The following TMEM204 variants were observed in gnomAD, a reference collection of about 807,000 sequenced individuals.
The protein encoded by TMEM204 is claudin-like protein 24.
A neutral mutation model predicts 19.4 loss-of-function variants in TMEM204; 15 were observed. The observed-to-expected ratio is 0.77, with a 90% CI of 0.52 to 1.19. The LOEUF (loss-of-function observed/expected upper bound fraction) is 1.19. TMEM204 is among the 50% of genes most tolerant of loss of function. The probability of loss-of-function intolerance (pLI) is 0.00; values close to 1 mark genes in which losing one functional copy is unlikely to be tolerated. For synonymous variants in TMEM204, 161 were observed against 146.0 expected (o/e 1.10, Z -0.74); for missense variants, 287 against 321.2 (o/e 0.89, Z 0.81).
Position 1,535,438 on chromosome 16 carries a change from G to A in TMEM204, c.280+883G>A, listed in dbSNP as rs569332818. 1.1e-4 allele frequency among the ~76,000 whole-genome samples: 17 copies of A among 152,318 alleles called. No homozygotes were observed. In the East Asian group the frequency reaches 3.1e-3, roughly 28 times the overall value. ...TCTCTGAAACTGTCAGCAAGGTTTT[G>A]ACTCGCAGACACCCCAAGTCTCTGC... is the stretch of plus-strand genomic sequence containing the variant. On this transcript the variant is annotated intron_variant, in intron 1 of 2. Coordinates refer to ENST00000566264, the MANE Select transcript of TMEM204 (RefSeq NM_024600.6).
At chr16:1,538,475 G>T (rs1432500033) in intron 1 of TMEM204, among the ~76,000 whole-genome samples, 4 of 152,172 alleles carry the variant, frequency 2.6e-5, no homozygotes, top group Non-Finnish European at 4.4e-5. Context: ...GCCATTCTGG[G>T]CTATGCTCCT....
intron 1 of TMEM204, chr16:1,541,481 G>A (rs2031629831): frequency 1.0e-6 from 1 of 985,408 alleles, no homozygotes; most frequent in Non-Finnish European, 1.2e-6. Flanking sequence ...CTGGCCCCCC[G>A]CGGAGTCTCC....
intron 2 of TMEM204, among the ~76,000 whole-genome samples, chr16:1,550,301 C>G (rs1462474755): frequency 1.3e-5 from 2 of 152,204 alleles, no homozygotes; most frequent in African/African-American, 4.8e-5. Context: ...GAGGCCTGAG[C>G]TCGTGTTTAT....
Position 1,534,182 on chromosome 16 carries a change from C to A in TMEM204, c.-94C>A. The A allele has an allele frequency of 6.5e-7, 1 of 1,527,652 alleles. No homozygotes were observed. The highest frequency in any genetic ancestry group is 8.8e-7 in the Non-Finnish European group (1 of 1,137,200). 94.6% of individuals were successfully genotyped at this position (1,527,652 alleles called of 1,614,324 possible). On this transcript the variant is annotated 5_prime_UTR_variant, in exon 1 of 3. Transcript: ENST00000566264. ...CCCCGAGGATGAGTGGTGATGTCCT[C>A]TAGCCACCCCTAGCAGCGTCGGCTC...
chr16:1,534,589 T>A (rs1322453575), intron 1 of TMEM204, 34 bp downstream of exon 1: 2 of 1,596,492 alleles, frequency 1.3e-6, no homozygotes, highest in Non-Finnish European at 1.7e-6. Context: ...GCCTTCAGCG[T>A]GGCCGAGGCT....
intron 2 of TMEM204, among the ~76,000 whole-genome samples, chr16:1,545,514 GT>G (rs59045034): frequency 0.019 from 2,888 of 152,206 alleles, 104 homozygotes; most frequent in African/African-American, 0.066. Flanking sequence ...TTAGAGTCGG[GT>G]TTTTTTTCCT....
At chr16:1,532,239 G>C (rs1445477612), upstream of TMEM204, 1 of 152,288 alleles carries the variant, frequency 6.6e-6, no homozygotes, top group Non-Finnish European at 1.5e-5. Context: ...AACAGAAATA[G>C]AAACAGCAGC....
rs1227516953 is a variant in TMEM204, at chr16:1,554,097, A to C, written c.437-685A>C. ...ATCTGCCAGGGAGGAGGGAGGGTCT[A>C]GAACGAGAAGCACTGACTCGGAAGT... On this transcript the variant is annotated intron_variant, in intron 2 of 2. Coordinates refer to ENST00000566264, the MANE Select transcript of TMEM204 (RefSeq NM_024600.6). 4 of 1,287,104 alleles carry C rather than the reference A, an allele frequency of 3.1e-6. No individual in the cohort carries two copies. The East Asian group carries it at 2.2e-4, about 71-fold the overall frequency. 79.7% of individuals were successfully genotyped at this position (1,287,104 alleles called of 1,614,324 possible). A position where few individuals can be genotyped will look rare whatever the true frequency, so the allele number is the denominator to read the frequency against.
rs763421657 is a variant in TMEM204 at position 1,541,909 on chromosome 16, C to G, written c.281-12C>G. On this transcript the variant is annotated splice_polypyrimidine_tract_variant and intron_variant, in intron 1 of 2. Transcript: ENST00000566264. ...CTGCACTCACCACTGCCTCTCTGCT[C>G]TTGGCCCACAGTGCAGTTCGACATG... The G allele has an allele frequency of 6.3e-7, 1 of 1,581,532 alleles. No homozygotes were observed. The highest frequency in any genetic ancestry group is 8.6e-7 in the Non-Finnish European group (1 of 1,162,780).
chr16:1,530,321 T>A (rs1001685555), upstream of TMEM204, among the ~76,000 whole-genome samples: 1 of 151,720 alleles, frequency 6.6e-6, no homozygotes, highest in Non-Finnish European at 1.5e-5. Flanking sequence ...GTAGTAGAGA[T>A]GGGGTTTCAT....
chr16:1,537,869 G>A (rs1159795849), intron 1 of TMEM204, among the ~76,000 whole-genome samples: 4 of 152,270 alleles, frequency 2.6e-5, no homozygotes, highest in African/African-American at 9.6e-5. Context: ...CCGTCACCAC[G>A]CATGCCCCGC....
chr16:1,543,332 C>G (rs1252672878), intron 2 of TMEM204, among the ~76,000 whole-genome samples: 1 of 152,230 alleles, frequency 6.6e-6, no homozygotes, highest in African/African-American at 2.4e-5. Context: ...AATACAATTT[C>G]CAGAAGGAGG....
At position 1,553,674 on chromosome 16, in the gene TMEM204, C is replaced by G. The variant is rs1481285724; in HGVS notation, c.437-1108C>G. 1 of 1,069,594 alleles carries G rather than the reference C, an allele frequency of 9.3e-7. No individual in the cohort carries two copies. The highest frequency in any genetic ancestry group is 7.3e-5 in the East Asian group (1 of 13,770). 66.3% of individuals were successfully genotyped at this position (1,069,594 alleles called of 1,614,324 possible). A position where few individuals can be genotyped will look rare whatever the true frequency, so the allele number is the denominator to read the frequency against. ...GGGTGCTGGGTGGGCAGAAGCGGGG[C>G]TGGGGCTGAAGGCTGGCTGGAGGCC... On this transcript the variant is annotated intron_variant, in intron 2 of 2. Coordinates refer to ENST00000566264, the MANE Select transcript of TMEM204 (RefSeq NM_024600.6). This position sits in a 1 kb window ranked among gnomAD's most constrained non-coding sequence, Gnocchi z 4.4.
intron 1 of TMEM204, chr16:1,540,730 C>G: frequency 7.3e-6 from 5 of 685,198 alleles, no homozygotes; most frequent in Non-Finnish European, 9.0e-6. Context: ...CATCAGTTAC[C>G]TGAAGAGTGC....
At chr16:1,547,804 G>C (rs2032298539) in intron 2 of TMEM204, among the ~76,000 whole-genome samples, 2 of 152,144 alleles carry the variant, frequency 1.3e-5, no homozygotes, top group African/African-American at 4.8e-5. Flanking sequence ...CCACAGCGCT[G>C]GGATTACAGG....
intron 1 of TMEM204, among the ~76,000 whole-genome samples, chr16:1,536,729 G>A (rs777537980): frequency 6.6e-6 from 1 of 152,194 alleles, no homozygotes; most frequent in Non-Finnish European, 1.5e-5. Context: ...GGCCGTGCTG[G>A]TGTCTTCCTC....
intron 1 of TMEM204, chr16:1,541,491 C>T (rs1253172146): frequency 3.5e-5 from 34 of 985,288 alleles, no homozygotes; most frequent in Non-Finnish European, 3.6e-5. Context: ...GCGGAGTCTC[C>T]GGTCAGGCAG....
At chr16:1,552,436 A>G (rs2032729535) in intron 2 of TMEM204, among the ~76,000 whole-genome samples, 1 of 151,846 alleles carries the variant, frequency 6.6e-6, no homozygotes, top group Non-Finnish European at 1.5e-5. Context: ...ACACCAGCAC[A>G]ACCCACACCC....
At chr16:1,554,636 G>A in intron 2 of TMEM204, 146 bp from the exon 3 acceptor site, 1 of 1,260,242 alleles carries the variant, frequency 7.9e-7, no homozygotes, top group Non-Finnish European at 1.1e-6. Flanking sequence ...GCTGGGGAAG[G>A]ATAAAGCAGG....
Sources: gnomAD v4.1 joint callset for allele counts (sites outside exome capture counted in the v4.1 genomes callset) on GRCh38, gnomAD v4.1.1 for gene constraint, Gnocchi (gnomAD v3.1) non-coding constraint, MANE v1.5 for transcripts, NCBI Gene and HGNC (gene_info 2026-07-23, HGNC 2026-07-21) for gene names.